The following RRBP1 variants were observed in gnomAD, a reference collection of about 807,000 sequenced individuals.
The protein encoded by RRBP1 is ribosome-binding protein 1.
RRBP1 carries 94 observed loss-of-function variants against 165.2 expected under a neutral mutation model. The ratio of observed to expected loss-of-function variants is 0.57; its 90% CI spans 0.48 to 0.68. The LOEUF is 0.68. Ranked by LOEUF, RRBP1 falls within the 30% of genes least tolerant of loss-of-function variation. The pLI is 0.00. For missense variants in RRBP1, 1,676 were observed against 1,763.0 expected, an observed-to-expected ratio of 0.95 and a Z score of 0.88; for synonymous variants, 680 against 714.5, an observed-to-expected ratio of 0.95 and a Z score of 0.77.
Position 17,613,884 on chromosome 20 carries a change from C to T in RRBP1, c.*298G>A, listed in dbSNP as rs1391040609. ...CACTGACAGACAGACCCCAGAGCGC[C>T]CGGCCTCCCACACACCCACGGGGCT... is the stretch of plus-strand genomic sequence containing the variant. On this transcript the variant is annotated 3_prime_UTR_variant, in exon 25 of 25. Coordinates refer to ENST00000377813, the MANE Select transcript of RRBP1 (RefSeq NM_001365613.2). The T allele has an allele frequency of 1.0e-5, 4 of 385,218 alleles. No individual in the cohort carries two copies. The Admixed American group carries it at 1.6e-4, about 16-fold the overall frequency. 23.9% of individuals were successfully genotyped at this position (385,218 alleles called of 1,614,324 possible). A position where few individuals can be genotyped will look rare whatever the true frequency, so the allele number is the denominator to read the frequency against.
At chr20:17,666,850 A>C (rs1202192892) in intron 2 of RRBP1, among the ~76,000 whole-genome samples, 2 of 133,152 alleles carry the variant, frequency 1.5e-5, no homozygotes, top group South Asian at 2.4e-4. Context: ...AATATAATTG[A>C]GTATTAGATT....
chr20:17,665,349 T>A (rs894832341), intron 2 of RRBP1, among the ~76,000 whole-genome samples: 3 of 152,226 alleles, frequency 2.0e-5, no homozygotes, highest in African/African-American at 7.2e-5. Flanking sequence ...AGAATATTCA[T>A]ATAGATACAC....
rs1041464511 is a variant in RRBP1, at chr20:17,614,723, C to T, written c.4194+14G>A. 3 of 1,609,850 alleles carry T rather than the reference C, an allele frequency of 1.9e-6. No homozygotes were observed. The highest frequency in any genetic ancestry group is 1.7e-5 in the Admixed American group (1 of 60,022). ...CTCGACTCCTCCCGCCCTGCTTTGG[C>T]GCCAGGCACGCACTGCCTTTTCCAG... On this transcript the variant is annotated intron_variant, in intron 24 of 24. Transcript: ENST00000377813.
In RRBP1 at chr20:17,618,958, A is replaced by G. The variant is rs559095337; in HGVS notation, c.3676-279T>C. 9.4e-5 allele frequency: 40 copies of G among 424,800 alleles called. No homozygotes were observed. In the South Asian group the frequency reaches 1.0e-3, roughly 11 times the overall value. The allele number at this position is 424,800 out of a possible 1,614,324, so 26.3% of individuals were successfully genotyped here. ...GGCAAAAAAGGGCCAAAAGTTGGAG[A>G]TGATTTTTTTTTTCAGAGATGGTCT... is the stretch of plus-strand genomic sequence containing the variant. On this transcript the variant is annotated intron_variant, in intron 19 of 24. Transcript: ENST00000377813.
intron 17 of RRBP1, 24 bp downstream of exon 17, chr20:17,620,691 G>T: frequency 6.3e-7 from 1 of 1,580,004 alleles, no homozygotes. Context: ...CACGGCGCCG[G>T]GAGGCAGGCA....
intron 4 of RRBP1, 143 bp from the exon 5 acceptor site, chr20:17,642,062 C>G (rs2036373405): frequency 1.0e-6 from 1 of 959,302 alleles, no homozygotes; most frequent in Non-Finnish European, 1.5e-6. Context: ...ACTCCAGATA[C>G]TTGTGGGGAA....
At chr20:17,662,197 A>G (rs2036778375) in intron 2 of RRBP1, among the ~76,000 whole-genome samples, 1 of 151,786 alleles carries the variant, frequency 6.6e-6, no homozygotes, top group Non-Finnish European at 1.5e-5. Flanking sequence ...TGGGAGGTGG[A>G]GCTTGCAGTG....
rs1158241535 is a variant in RRBP1, at chr20:17,659,602, T to C, written c.906A>G (p.Val302=). The C allele has an allele frequency of 6.5e-7, 1 of 1,542,780 alleles. No individual in the cohort carries two copies. Among genetic ancestry groups the C allele is most frequent in the Admixed American group, 2.0e-5 (1 of 50,548 alleles). The change falls in exon 3 of 25, where the codon GTA becomes GTG. Residue 302 remains valine (V), a synonymous_variant. Coordinates refer to ENST00000377813, the MANE Select transcript of RRBP1 (RefSeq NM_001365613.2). ...TTTTGCCCTGGTTCTGGGCCCCTTC[T>C]ACCTTTTTGGCCTGGTTCTGAGCCC... ...AEGAQNQAKK[V]EGAQNQGKKA... is the part of the protein sequence containing the mutation.
chr20:17,666,414 T>A (rs915974903), intron 2 of RRBP1, among the ~76,000 whole-genome samples: 2 of 152,160 alleles, frequency 1.3e-5, no homozygotes, highest in African/African-American at 4.8e-5. Flanking sequence ...GTCTTACACG[T>A]TGTTTTGTTG....
intron 5 of RRBP1, among the ~76,000 whole-genome samples, chr20:17,639,316 G>A (rs1179959428): frequency 6.6e-6 from 1 of 152,216 alleles, no homozygotes; most frequent in African/African-American, 2.4e-5. Flanking sequence ...GGGAGACCTG[G>A]ATACAGCAGA....
chr20:17,658,551 A>G, intron 3 of RRBP1, 45 bp downstream of exon 3: 10 of 1,499,494 alleles, frequency 6.7e-6, no homozygotes, highest in Non-Finnish European at 9.0e-6. Context: ...AAGTCATTTA[A>G]AGACAGCCTT....
chr20:17,618,808 G>C (rs953066075), intron 19 of RRBP1, 129 bp from the exon 20 acceptor site: 9 of 712,078 alleles, frequency 1.3e-5, no homozygotes, highest in Non-Finnish European at 2.2e-5. Flanking sequence ...GAGGGTCACA[G>C]CATCGGGCCG....
rs2037151444 is a variant in RRBP1, at chr20:17,680,090, G to A, written c.-98-15C>T. 1.3e-5 allele frequency: 2 copies of A among 152,296 alleles called. No homozygotes were observed. The highest frequency in any genetic ancestry group is 4.1e-4 in the South Asian group (2 of 4,832). 9.4% of individuals were successfully genotyped at this position (152,296 alleles called of 1,614,324 possible). ...GAAGCTTCTTTCTGGAAGGGAAAGA[G>A]GTTGGCATATGATAGTGGGAGTGAC... On this transcript the variant is annotated splice_polypyrimidine_tract_variant and intron_variant, in intron 1 of 24. Coordinates refer to ENST00000377813, the MANE Select transcript of RRBP1 (RefSeq NM_001365613.2).
intron 2 of RRBP1, among the ~76,000 whole-genome samples, chr20:17,671,021 A>G (rs563286345): frequency 4.5e-4 from 68 of 152,194 alleles, no homozygotes; most frequent in Non-Finnish European, 1.8e-4. Flanking sequence ...TCTCTAAATT[A>G]TATTTCTTCT....
At position 17,641,826 on chromosome 20, in the gene RRBP1, C is replaced by T. The variant is rs144765063; in HGVS notation, c.2155G>A (p.Ala719Thr). Residue 719 changes from alanine (A) to threonine (T), a missense_variant, in exon 5 of 25, where the codon GCC becomes ACC. By Grantham distance (58) the Ala-to-Thr change is moderately conservative. Around this residue, in one of 5 missense-constraint regions of RRBP1, gnomAD observed 1,184 missense variants for 1,167.1 expected, o/e 1.01. Transcript: ENST00000377813. ...TTGAGCTCCCTCAGTTTGCTCTTGG[C>T]GACAGCCGCATCTTCCTGTTCTGTG... ...LATEQEDAAV[A>T]KSKLRELNKE... is the part of the protein sequence containing the mutation. 352 of 1,613,586 alleles carry T rather than the reference C, an allele frequency of 2.2e-4. 2 individuals carry two copies. The East Asian group carries it at 6.1e-3, about 28-fold the overall frequency.
At position 17,658,865 on chromosome 20, in the gene RRBP1, T is replaced by C. The variant is rs757257762; in HGVS notation, c.1643A>G (p.Lys548Arg). The C allele has an allele frequency of 1.2e-6, 2 of 1,613,878 alleles. No homozygotes were observed. Among genetic ancestry groups the C allele is most frequent in the Admixed American group, 1.7e-5 (1 of 60,026 alleles). The part of the protein sequence containing the change: ...KKGEGAPIQG[K>R]KADSVANQGT... ...CTGATTAGCAACCGAATCTGCCTTTTTGCCCTGGATGGGAGCTCCCTCTCC... is the reference window on the plus strand; with the variant it reads ...CTGATTAGCAACCGAATCTGCCTTTCTGCCCTGGATGGGAGCTCCCTCTCC... Residue 548 changes from lysine (K) to arginine (R), a missense_variant, in exon 3 of 25, where the codon AAA becomes AGA. This residue lies in a region of RRBP1 where 1,184 missense variants were observed against 1,167.1 expected (regional missense o/e 1.01). Transcript: ENST00000377813.
chr20:17,619,564 G>T (rs2035867203), intron 19 of RRBP1, 69 bp downstream of exon 19: 2 of 1,134,946 alleles, frequency 1.8e-6, no homozygotes, highest in Non-Finnish European at 2.5e-6. Context: ...ACAGGGCTGA[G>T]GAGAAGCAGC....
At chr20:17,671,734 T>C (rs1182808063) in intron 2 of RRBP1, among the ~76,000 whole-genome samples, 1 of 152,158 alleles carries the variant, frequency 6.6e-6, no homozygotes, top group Admixed American at 6.5e-5. Context: ...ACTTAAGAGT[T>C]TGCCTATTTT....
intron 21 of RRBP1, among the ~76,000 whole-genome samples, chr20:17,616,263 T>C (rs1239710151): frequency 6.6e-6 from 1 of 152,028 alleles, no homozygotes; most frequent in Non-Finnish European, 1.5e-5. Context: ...CTCCGAGCCC[T>C]GGCCCCATGA....
Sources: gnomAD v4.1 joint callset for allele counts (sites outside exome capture counted in the v4.1 genomes callset) on GRCh38, gnomAD v4.1.1 for gene constraint, gnomAD v4.1.1 regional missense constraint, MANE v1.5 for transcripts, NCBI Gene and HGNC (gene_info 2026-07-23, HGNC 2026-07-21) for gene names.